Variants in PHEX observed in about 807,000 individuals in gnomAD.
The protein encoded by PHEX is phosphate-regulating neutral endopeptidase PHEX.
In PHEX, 16 loss-of-function variants were observed where a neutral mutation model predicts 68.0. The ratio of observed to expected loss-of-function variants is 0.24; its 90% CI spans 0.16 to 0.36. PHEX has a LOEUF of 0.36. Among genes scored for constraint, PHEX ranks in the 10% least tolerant of loss-of-function variants. PHEX has a pLI of 1.00. For missense variants in PHEX, 480 were observed against 575.5 expected, an observed-to-expected ratio of 0.83 and a Z score of 1.70; for synonymous variants, 208 against 205.1, an observed-to-expected ratio of 1.01 and a Z score of -0.12.
At chrX:22,140,690 C>T (rs185057663) in intron 12 of PHEX, among the ~76,000 whole-genome samples, 9 of 110,408 alleles carry the variant, frequency 8.2e-5, no homozygotes, top group Middle Eastern at 4.7e-3. Flanking sequence ...CTATGTTGGC[C>T]GGGCTGGTCT....
chrX:22,097,023 T>A lies in PHEX; in HGVS notation c.918T>A (p.Ser306Arg). Residue 306 changes from serine (S) to arginine (R), a missense_variant, in exon 8 of 22, where the codon AGT becomes AGA. Physicochemically the swap from Ser to Arg is moderately radical, Grantham distance 110 (BLOSUM62 -1). Transcript: ENST00000379374. ...ACAAAATGAACATTTCTGAACTGAG[T>A]GCTATGATTCCCCAGGTTGGTGAAA... ...MYNKMNISEL[S>R]AMIPQFDWLG... is the part of the protein sequence containing the mutation. 2 of 1,194,255 alleles carry A rather than the reference T, an allele frequency of 1.7e-6. No individual in the cohort carries two copies. Among genetic ancestry groups the A allele is most frequent in the Non-Finnish European group, 2.3e-6 (2 of 879,617 alleles).
intron 3 of PHEX, among the ~76,000 whole-genome samples, chrX:22,073,569 G>C (rs961670250): frequency 2.0e-5 from 2 of 99,337 alleles, no homozygotes; most frequent in African/African-American, 3.8e-5. Context: ...TGTACTTAAT[G>C]TTCAAATTTG....
chrX:22,086,787 C>T (rs1478550652), intron 5 of PHEX, among the ~76,000 whole-genome samples: 1 of 111,888 alleles, frequency 8.9e-6, no homozygotes. Flanking sequence ...TGTATTACTA[C>T]TTTGTCTTCT....
At chrX:22,227,388 AATTTTGACATGATGC>A in intron 19 of PHEX, 104 bp from the exon 20 acceptor site, 1 of 539,809 alleles carries the variant, frequency 1.9e-6, no homozygotes. Context: ...TTCTTAAGAA[AATTTTGACATGATGC>A]ATTTTGCACG....
At chrX:22,106,366 A>G (rs1490795585) in intron 9 of PHEX, among the ~76,000 whole-genome samples, 2 of 111,703 alleles carry the variant, frequency 1.8e-5, no homozygotes, top group African/African-American at 3.3e-5. Context: ...CACCTTTGTA[A>G]TGCCTTGTCC....
intron 11 of PHEX, among the ~76,000 whole-genome samples, chrX:22,129,004 AAC>A: frequency 9.0e-6 from 1 of 111,553 alleles, no homozygotes; most frequent in East Asian, 2.8e-4. Flanking sequence ...AATAAAATAG[AAC>A]AGTTATAATG....
At chrX:22,192,446 A>G (rs1462691509) in intron 15 of PHEX, among the ~76,000 whole-genome samples, 2 of 111,429 alleles carry the variant, frequency 1.8e-5, no homozygotes, top group Non-Finnish European at 3.8e-5. Context: ...CTTTGCTCAA[A>G]AGCTTTTATC....
chrX:22,076,405 A>G lies in PHEX; in HGVS notation c.367A>G (p.Ile123Val), dbSNP rs775756294. The change falls in exon 4 of 22, where the codon ATC becomes GTC. Residue 123 changes from isoleucine (I) to valine (V), a missense_variant. By Grantham distance (29) the Ile-to-Val change is conservative. Transcript: ENST00000379374. ...CTTCCCAGAACTTTTGGAGAAATCA[A>G]TCAGTAGAAGGCGGGACACCGAAGC... ...LKLKELLEKS[I>V]SRRRDTEAIQ... is the part of the protein sequence containing the mutation. 3.3e-6 allele frequency: 4 copies of G among 1,208,443 alleles called. No individual in the cohort carries two copies. Among genetic ancestry groups the G allele is most frequent in the Admixed American group, 2.2e-5 (1 of 46,065 alleles).
intron 9 of PHEX, among the ~76,000 whole-genome samples, chrX:22,101,536 C>T (rs1038652346): frequency 8.9e-6 from 1 of 111,905 alleles, no homozygotes; most frequent in Admixed American, 9.5e-5. Flanking sequence ...ACATGGGTGT[C>T]CCTGTAAGAG....
chrX:22,250,840 G>A lies in PHEX; in HGVS notation c.*2887G>A, dbSNP rs1278361855. 8.9e-6 allele frequency: 1 copy of A among 111,758 alleles called. No homozygotes were observed. Among genetic ancestry groups the A allele is most frequent in the African/African-American group, 3.3e-5 (1 of 30,713 alleles). The allele number at this position is 111,758 out of a possible 1,213,427, so 9.2% of individuals were successfully genotyped here. ...AAATTTTATCTTATTTAGCCCTGGA[G>A]CATCACTAAGAAGCAGCTAGGAACT... On this transcript the variant is annotated 3_prime_UTR_variant, in exon 22 of 22. Transcript: ENST00000379374.
chrX:22,103,722 G>A (rs1930534727), intron 9 of PHEX, among the ~76,000 whole-genome samples: 1 of 111,915 alleles, frequency 8.9e-6, no homozygotes, highest in South Asian at 3.7e-4. Context: ...CATTTATGTT[G>A]GTTCCATATT....
intron 18 of PHEX, among the ~76,000 whole-genome samples, chrX:22,224,880 AG>A (rs1316225806): frequency 7.1e-5 from 1 of 14,169 alleles, no homozygotes. Flanking sequence ...GTTAAAAGCA[AG>A]GTATATTAGT....
chrX:22,155,547 T>C (rs968091547), intron 12 of PHEX, among the ~76,000 whole-genome samples: 8 of 112,034 alleles, frequency 7.1e-5, no homozygotes, highest in African/African-American at 9.7e-5. Context: ...TCAACCTTGA[T>C]ATTTGAAAAT....
chrX:22,231,732 T>C (rs1002908105), intron 20 of PHEX, among the ~76,000 whole-genome samples: 37 of 111,692 alleles, frequency 3.3e-4, no homozygotes, highest in African/African-American at 1.2e-3. Flanking sequence ...CCTGGATTCA[T>C]TGATTTTTTG....
At chrX:22,055,294 C>G (rs1928050653) in intron 3 of PHEX, among the ~76,000 whole-genome samples, 1 of 107,833 alleles carries the variant, frequency 9.3e-6, no homozygotes, top group Non-Finnish European at 1.9e-5. Flanking sequence ...ATCCCAATTA[C>G]CCAGATTTGA....
At chrX:22,058,709 G>A (rs1928226585) in intron 3 of PHEX, among the ~76,000 whole-genome samples, 2 of 112,402 alleles carry the variant, frequency 1.8e-5, no homozygotes, top group Admixed American at 9.4e-5. Flanking sequence ...CACAGGAAGA[G>A]AAAGAAGAGG....
intron 9 of PHEX, among the ~76,000 whole-genome samples, chrX:22,102,226 A>C (rs886259530): frequency 7.2e-5 from 8 of 110,963 alleles, no homozygotes; most frequent in African/African-American, 2.6e-4. Context: ...CCCCTCTGCT[A>C]TCCTTCCCAA....
rs745731188 is a variant in PHEX at position 22,146,148 on chromosome X, C to T, written c.1404+12524C>T. 4.5e-5 allele frequency among the ~76,000 whole-genome samples: 5 copies of T among 112,356 alleles called. No homozygotes were observed. The East Asian group carries it at 1.4e-3, about 31-fold the overall frequency. ...CTTTAATGTTTAACCTCTATTTAAT[C>T]ATAAGCTGTTTTGAACAATTTGTAA... On this transcript the variant is annotated intron_variant, in intron 12 of 21. Transcript: ENST00000379374.
intron 15 of PHEX, among the ~76,000 whole-genome samples, chrX:22,192,826 G>A (rs1262067298): frequency 8.9e-6 from 1 of 111,902 alleles, no homozygotes; most frequent in Non-Finnish European, 1.9e-5. Flanking sequence ...TCTGGTCAGA[G>A]GACAGCCGGA....
Sources: gnomAD v4.1 joint callset for allele counts (sites outside exome capture counted in the v4.1 genomes callset) on GRCh38, gnomAD v4.1.1 for gene constraint, MANE v1.5 for transcripts, NCBI Gene and HGNC (gene_info 2026-07-23, HGNC 2026-07-21) for gene names.